The following CNTN1 variants were observed in gnomAD, a reference collection of about 807,000 sequenced individuals.
CNTN1 encodes contactin-1.
A neutral mutation model predicts 126.4 loss-of-function variants in CNTN1; 38 were observed. The observed-to-expected ratio is 0.30, with a 90% confidence interval of 0.23 to 0.39. CNTN1 has a LOEUF of 0.39. Among genes scored for constraint, CNTN1 ranks in the 10% least tolerant of loss-of-function variants. The pLI is 1.00. For missense variants in CNTN1, 1,009 were observed against 1,248.4 expected (o/e 0.81, Z 2.89); for synonymous variants, 413 against 422.6 (o/e 0.98, Z 0.28).
chr12:40,946,671 A>G (rs766758247), intron 14 of CNTN1, among the ~76,000 whole-genome samples: 6 of 152,154 alleles, frequency 3.9e-5, no homozygotes, highest in Non-Finnish European at 5.9e-5. Context: ...GACTAATAAT[A>G]AAAAGGAATA....
intron 1 of CNTN1, among the ~76,000 whole-genome samples, chr12:40,728,619 C>T (rs1198479021): frequency 1.3e-5 from 2 of 152,178 alleles, no homozygotes; most frequent in African/African-American, 4.8e-5. Context: ...TAAACACCAA[C>T]AATGTTTACC....
At chr12:40,900,053 T>C (rs1490899911) in intron 1 of CNTN1, among the ~76,000 whole-genome samples, 1 of 152,128 alleles carries the variant, frequency 6.6e-6, no homozygotes, top group African/African-American at 2.4e-5. Flanking sequence ...TCCCTTTAAG[T>C]CAGTCCATCT....
intron 15 of CNTN1, among the ~76,000 whole-genome samples, chr12:40,966,362 C>CTA (rs1415290269): frequency 1.3e-5 from 2 of 152,100 alleles, no homozygotes; most frequent in Non-Finnish European, 2.9e-5. Flanking sequence ...TGACCCCACT[C>CTA]TGCACTAACC....
At chr12:41,003,628 G>A (rs1372830338) in intron 17 of CNTN1, among the ~76,000 whole-genome samples, 1 of 151,326 alleles carries the variant, frequency 6.6e-6, no homozygotes, top group African/African-American at 2.4e-5. Context: ...CAATTTTAGA[G>A]CTCATTATTG....
At chr12:40,888,005 G>A (rs554362881) in intron 1 of CNTN1, among the ~76,000 whole-genome samples, 107 of 133,410 alleles carry the variant, frequency 8.0e-4, no homozygotes, top group African/African-American at 2.5e-3. Flanking sequence ...CACACTCTGG[G>A]GACTGTTGTG....
chr12:40,733,457 C>A (rs11178118), intron 1 of CNTN1, among the ~76,000 whole-genome samples: 30,622 of 151,588 alleles, frequency 0.2, 3,210 homozygotes, highest in Middle Eastern at 0.28. Context: ...CTATTATTCT[C>A]AAAAGTGTTC....
At chr12:40,780,528 A>C (rs543651187) in intron 1 of CNTN1, among the ~76,000 whole-genome samples, 2 of 151,898 alleles carry the variant, frequency 1.3e-5, no homozygotes, top group Non-Finnish European at 2.9e-5. Context: ...AAAATTTGAA[A>C]GTCTTTCTTA....
At chr12:41,021,274 T>A (rs1177218892) in intron 20 of CNTN1, among the ~76,000 whole-genome samples, 1 of 152,256 alleles carries the variant, frequency 6.6e-6, no homozygotes, top group East Asian at 1.9e-4. Flanking sequence ...GTTCGGGGTT[T>A]TATTGCCACA....
intron 23 of CNTN1, among the ~76,000 whole-genome samples, chr12:41,038,499 G>A (rs927331537): frequency 6.6e-6 from 1 of 151,914 alleles, no homozygotes; most frequent in Non-Finnish European, 1.5e-5. Context: ...CTTCTTATAA[G>A]GACTGATTTG....
chr12:40,721,056 T>G (rs957111338), intron 1 of CNTN1, among the ~76,000 whole-genome samples: 8 of 151,810 alleles, frequency 5.3e-5, no homozygotes, highest in African/African-American at 1.9e-4. Flanking sequence ...ATGTGTAAAA[T>G]ATAAAGTGAA....
At chr12:40,943,746 C>G (rs753891808) in intron 13 of CNTN1, 22 bp downstream of exon 13, 66 of 1,611,010 alleles carry the variant, frequency 4.1e-5, no homozygotes, top group Non-Finnish European at 5.5e-5. Context: ...TTTGAGGGTG[C>G]TTAATTTCTA....
chr12:40,966,455 A>G (rs1341517053), intron 15 of CNTN1, among the ~76,000 whole-genome samples: 2 of 152,186 alleles, frequency 1.3e-5, no homozygotes, highest in Non-Finnish European at 2.9e-5. Flanking sequence ...ATTCAGATCA[A>G]AGAAATACGA....
intron 14 of CNTN1, among the ~76,000 whole-genome samples, chr12:40,952,932 C>G (rs374012308): frequency 1.3e-5 from 2 of 152,250 alleles, no homozygotes; most frequent in East Asian, 1.9e-4. Flanking sequence ...ATCTATATCT[C>G]TCCCTTTACT....
Position 41,016,884 on chromosome 12 carries a change from G to A in CNTN1, c.2387G>A (p.Ser796Asn). ...AACAACAAAGGAGATGGACCTTACA[G>A]CCTAGTAGCAGTCATTAATTCAGCA... is the stretch of plus-strand genomic sequence containing the variant. ...AFNNKGDGPY[S>N]LVAVINSAQD... The change falls in exon 19 of 24, where the codon AGC becomes AAC. Residue 796 changes from serine (S) to asparagine (N), a missense_variant. Transcript: ENST00000551295. 6.2e-7 allele frequency: 1 copy of A among 1,614,086 alleles called. No homozygotes were observed. Among genetic ancestry groups the A allele is most frequent in the Non-Finnish European group, 8.5e-7 (1 of 1,179,982 alleles).
intron 1 of CNTN1, among the ~76,000 whole-genome samples, chr12:40,857,400 C>A (rs1942950771): frequency 6.6e-6 from 1 of 152,234 alleles, no homozygotes; most frequent in South Asian, 2.1e-4. Flanking sequence ...AATTCATCTT[C>A]ATTACTACAT....
intron 15 of CNTN1, chr12:40,972,711 A>G: frequency 1.1e-6 from 1 of 936,868 alleles, no homozygotes; most frequent in Non-Finnish European, 1.3e-6. Flanking sequence ...CTAGAGATCC[A>G]GATTAATTGC....
At chr12:41,004,136 G>T (rs1474261181) in intron 17 of CNTN1, among the ~76,000 whole-genome samples, 2 of 152,064 alleles carry the variant, frequency 1.3e-5, no homozygotes, top group Non-Finnish European at 2.9e-5. Flanking sequence ...ATTCTGGTAT[G>T]TTGTATCTTT....
chr12:40,950,435 A>C (rs1434486897), intron 14 of CNTN1, among the ~76,000 whole-genome samples: 1 of 152,124 alleles, frequency 6.6e-6, no homozygotes, highest in Admixed American at 6.5e-5. Context: ...GTAGTAGAGG[A>C]TGGGTTTTAT....
intron 17 of CNTN1, among the ~76,000 whole-genome samples, chr12:41,007,592 C>A (rs1412462892): frequency 6.6e-6 from 1 of 152,084 alleles, no homozygotes; most frequent in Admixed American, 6.5e-5. Flanking sequence ...GACTGGCTGT[C>A]AGTGAATGTG....
Sources: gnomAD v4.1 joint callset for allele counts (sites outside exome capture counted in the v4.1 genomes callset) on GRCh38, gnomAD v4.1.1 for gene constraint, MANE v1.5 for transcripts, NCBI Gene and HGNC (gene_info 2026-07-23, HGNC 2026-07-21) for gene names.